EBF1: variants seen among roughly 807,000 people sequenced by gnomAD.
EBF1 encodes the protein transcription factor COE1.
A neutral mutation model predicts 68.4 loss-of-function variants in EBF1; 10 were observed. That is an observed-to-expected ratio of 0.15 (90% CI 0.09 to 0.25). The LOEUF is 0.25. Among genes scored for constraint, EBF1 ranks in the 10% least tolerant of loss-of-function variants. The probability of loss-of-function intolerance (pLI) is 1.00; values close to 1 mark genes in which losing one functional copy is unlikely to be tolerated. For synonymous variants in EBF1, 298 were observed against 299.8 expected (o/e 0.99, Z 0.06); for missense variants, 509 against 794.4 (o/e 0.64, Z 4.32).
At chr5:159,006,471 A>G (rs569557605) in intron 6 of EBF1, among the ~76,000 whole-genome samples, 1 of 152,134 alleles carries the variant, frequency 6.6e-6, no homozygotes, top group Middle Eastern at 3.4e-3. Context: ...AGTGGAACTG[A>G]CCAATTTGGT....
At chr5:158,803,818 C>T (rs1781067091) in intron 8 of EBF1, among the ~76,000 whole-genome samples, 1 of 151,306 alleles carries the variant, frequency 6.6e-6, no homozygotes. Flanking sequence ...TGCAGTTAAG[C>T]ATTTTATTGT....
chr5:158,929,905 CA>C (rs1489990963), intron 6 of EBF1, among the ~76,000 whole-genome samples: 1 of 152,222 alleles, frequency 6.6e-6, no homozygotes, highest in Non-Finnish European at 1.5e-5. Flanking sequence ...GCACCCCCTA[CA>C]CCTTTTTTGT....
chr5:158,952,634 T>C (rs1816249636), intron 6 of EBF1, among the ~76,000 whole-genome samples: 1 of 152,254 alleles, frequency 6.6e-6, no homozygotes, highest in Admixed American at 6.5e-5. Context: ...AACAATACAA[T>C]GCAATGCTCT....
intron 6 of EBF1, among the ~76,000 whole-genome samples, chr5:158,845,592 G>A (rs938540613): frequency 6.6e-6 from 1 of 151,372 alleles, no homozygotes; most frequent in Non-Finnish European, 1.5e-5. Flanking sequence ...GAGATGTTGA[G>A]ATTTTCAGAT....
At chr5:158,864,375 G>A (rs1795495597) in intron 6 of EBF1, among the ~76,000 whole-genome samples, 1 of 152,066 alleles carries the variant, frequency 6.6e-6, no homozygotes, top group Non-Finnish European at 1.5e-5. Context: ...AAGCCAAAGG[G>A]GCAAGGGAAA....
intron 6 of EBF1, among the ~76,000 whole-genome samples, chr5:158,851,129 C>G (rs1266028428): frequency 6.6e-6 from 1 of 151,568 alleles, no homozygotes; most frequent in African/African-American, 2.4e-5. Flanking sequence ...GCCCATAATC[C>G]CAGCAATTTG....
intron 8 of EBF1, among the ~76,000 whole-genome samples, chr5:158,810,208 T>A (rs1422098591): frequency 1.3e-5 from 2 of 152,170 alleles, no homozygotes; most frequent in Non-Finnish European, 2.9e-5. Context: ...TCCAATACAT[T>A]GGAACTGGCT....
chr5:158,902,829 G>T (rs1156382519), intron 6 of EBF1, among the ~76,000 whole-genome samples: 1 of 152,084 alleles, frequency 6.6e-6, no homozygotes, highest in Admixed American at 6.6e-5. Flanking sequence ...ATAGAAAAGA[G>T]CAGGCAAGGG....
chr5:159,030,637 C>T (rs1020189069), intron 6 of EBF1, among the ~76,000 whole-genome samples: 5 of 152,040 alleles, frequency 3.3e-5, no homozygotes, highest in Admixed American at 6.6e-5. Context: ...AAGAAATTGG[C>T]GATGAGCAAG....
Position 158,707,967 on chromosome 5 carries a change from C to A in EBF1, c.1744+12G>T. 1 of 1,547,394 alleles carries A rather than the reference C, an allele frequency of 6.5e-7. No homozygotes were observed. Among genetic ancestry groups the A allele is most frequent in the Non-Finnish European group, 8.7e-7 (1 of 1,145,038 alleles). The stretch of plus-strand genomic sequence containing the variant: ...ATTGAATCTGGATTGGCAGGTGGGG[C>A]CTGGGGCTTACCTTGCAGGCTGTTC... On this transcript the variant is annotated intron_variant, in intron 15 of 15. Coordinates refer to ENST00000313708, the MANE Select transcript of EBF1 (RefSeq NM_024007.5).
At chr5:159,086,335 A>C (rs1780632836) in intron 4 of EBF1, among the ~76,000 whole-genome samples, 1 of 152,216 alleles carries the variant, frequency 6.6e-6, no homozygotes, top group Non-Finnish European at 1.5e-5. Flanking sequence ...TATCTAAATC[A>C]GAAAATTAAC....
Position 158,791,696 on chromosome 5 carries a change from CTTGA to C in EBF1, c.909+4645_909+4648del, listed in dbSNP as rs375656199. ...GAGCTACATCCATATGTAAGAGGAA[CTTGA>C]TTGGTCATTCAAACCATCTACTTCT... On this transcript the variant is annotated intron_variant, in intron 9 of 15. Coordinates refer to ENST00000313708, the MANE Select transcript of EBF1 (RefSeq NM_024007.5). Among the ~76,000 whole-genome samples the C allele has an allele frequency of 2.2e-3, 336 of 152,180 alleles. 3 individuals carry two copies. Among genetic ancestry groups the C allele is most frequent in the African/African-American group, 7.9e-3 (329 of 41,534 alleles).
intron 6 of EBF1, among the ~76,000 whole-genome samples, chr5:158,972,155 C>T (rs912210156): frequency 1.3e-5 from 2 of 152,136 alleles, no homozygotes; most frequent in African/African-American, 4.8e-5. Flanking sequence ...GGAAGGTGCT[C>T]ATCCTGACAG....
At chr5:158,960,872 C>T (rs940117282) in intron 6 of EBF1, among the ~76,000 whole-genome samples, 1 of 152,182 alleles carries the variant, frequency 6.6e-6, no homozygotes, top group Non-Finnish European at 1.5e-5. Flanking sequence ...AGGCCAATAG[C>T]CCTGTGAACG....
chr5:159,095,407 C>A (rs949038522), intron 4 of EBF1, among the ~76,000 whole-genome samples: 1 of 152,174 alleles, frequency 6.6e-6, no homozygotes, highest in African/African-American at 2.4e-5. Context: ...CCCGAGTTCC[C>A]TTGGAGGGAC....
At chr5:158,809,735 T>C (rs1375097707) in intron 8 of EBF1, among the ~76,000 whole-genome samples, 2 of 152,174 alleles carry the variant, frequency 1.3e-5, no homozygotes, top group African/African-American at 4.8e-5. Context: ...TTGTTACATG[T>C]TGGGCTGCTA....
intron 10 of EBF1, among the ~76,000 whole-genome samples, chr5:158,752,455 A>G (rs1269479080): frequency 6.6e-6 from 1 of 152,038 alleles, no homozygotes; most frequent in East Asian, 1.9e-4. Context: ...AGCACCAATA[A>G]ACAGAAATAG....
In EBF1 at chr5:158,831,378, C is replaced by T. The variant is rs1412599247; in HGVS notation, c.637-8061G>A. ...GATGAGTCACTTAGTCATAGGAATA[C>T]GTGGTGAGCCCACTATGTGCCTACC... On this transcript the variant is annotated intron_variant, in intron 7 of 15. Coordinates refer to ENST00000313708, the MANE Select transcript of EBF1 (RefSeq NM_024007.5). Among the ~76,000 whole-genome samples, 4 of 152,264 alleles carry T rather than the reference C, an allele frequency of 2.6e-5. No individual in the cohort carries two copies. In the East Asian group the frequency reaches 5.8e-4, roughly 22 times the overall value.
intron 9 of EBF1, among the ~76,000 whole-genome samples, chr5:158,792,167 A>T (rs550404523): frequency 6.6e-6 from 1 of 152,208 alleles, no homozygotes; most frequent in Admixed American, 6.5e-5. Flanking sequence ...ACAATTTTTT[A>T]AAAGACTTTT....
Sources: gnomAD v4.1 joint callset for allele counts (sites outside exome capture counted in the v4.1 genomes callset) on GRCh38, gnomAD v4.1.1 for gene constraint, MANE v1.5 for transcripts, NCBI Gene and HGNC (gene_info 2026-07-23, HGNC 2026-07-21) for gene names.